The following AP3S2 variants were observed in gnomAD, a reference collection of about 807,000 sequenced individuals.
AP3S2 encodes adaptor related protein complex 3 subunit sigma 2.
Under a neutral mutation model 23.4 loss-of-function variants are expected in AP3S2, and 22 were observed. That is an observed-to-expected ratio of 0.94 (90% CI 0.67 to 1.34). AP3S2 has a LOEUF of 1.34. Ranked by LOEUF, AP3S2 falls within the 40% of genes most tolerant of loss-of-function variation. AP3S2 has a pLI of 0.00. For synonymous variants in AP3S2, 86 were observed against 87.1 expected, an observed-to-expected ratio of 0.99 and a Z score of 0.07; for missense variants, 241 against 236.9, an observed-to-expected ratio of 1.02 and a Z score of -0.11.
intron 4 of AP3S2, among the ~76,000 whole-genome samples, chr15:89,857,821 C>T (rs1265080340): frequency 1.3e-5 from 2 of 152,166 alleles, no homozygotes; most frequent in African/African-American, 4.8e-5. Flanking sequence ...CCCTCTTGGG[C>T]ACATAATAGG....
chr15:89,839,048 T>C (rs1341298422), intron 4 of AP3S2, among the ~76,000 whole-genome samples: 5 of 152,146 alleles, frequency 3.3e-5, no homozygotes. Flanking sequence ...TTCTCTAGCA[T>C]CCCTGGTCTC....
At chr15:89,852,105 C>T (rs918295722) in intron 4 of AP3S2, among the ~76,000 whole-genome samples, 3 of 152,128 alleles carry the variant, frequency 2.0e-5, no homozygotes, top group Non-Finnish European at 4.4e-5. Flanking sequence ...CTGAATGTGG[C>T]TCTATCACTT....
At chr15:89,892,174 C>T (rs1193147705) in intron 1 of AP3S2, among the ~76,000 whole-genome samples, 6 of 152,072 alleles carry the variant, frequency 3.9e-5, no homozygotes, top group Admixed American at 6.5e-5. Flanking sequence ...ACGGAATAGG[C>T]AAATTCCATT....
At chr15:89,887,693 C>T (rs1055989515) in intron 3 of AP3S2, among the ~76,000 whole-genome samples, 5 of 151,724 alleles carry the variant, frequency 3.3e-5, no homozygotes, top group Admixed American at 1.3e-4. Context: ...TTTTTTGAGA[C>T]GGAGTCTCAC....
chr15:89,858,507 GAGAGAGAGAGAGAGAGAGAAAGAAAGAAA>G (rs1895910691), intron 4 of AP3S2, among the ~76,000 whole-genome samples: 2 of 56,606 alleles, frequency 3.5e-5, no homozygotes, highest in Non-Finnish European at 7.4e-5. Context: ...GAGAGAGAGA[GAGAGAGAGAGAGAGAGAGAAAGAAAGAAA>G]GAAAGAAAGA....
intron 4 of AP3S2, among the ~76,000 whole-genome samples, chr15:89,868,805 G>A (rs1474227501): frequency 5.0e-5 from 6 of 119,746 alleles, no homozygotes; most frequent in Admixed American, 7.6e-5. Flanking sequence ...CAGCCGCCCC[G>A]TCCGGGAGGG....
At chr15:89,881,598 G>A (rs983032809) in intron 3 of AP3S2, among the ~76,000 whole-genome samples, 5 of 149,734 alleles carry the variant, frequency 3.3e-5, no homozygotes, top group Admixed American at 2.0e-4. Flanking sequence ...TATAAGCCAG[G>A]ATCTAGATTT....
At chr15:89,847,175 A>C (rs1895514206) in intron 4 of AP3S2, among the ~76,000 whole-genome samples, 1 of 151,792 alleles carries the variant, frequency 6.6e-6, no homozygotes, top group Non-Finnish European at 1.5e-5. Flanking sequence ...CCAGGAGTTC[A>C]AGACCAGCCT....
intron 4 of AP3S2, among the ~76,000 whole-genome samples, chr15:89,864,202 G>C (rs1413549827): frequency 6.6e-6 from 1 of 152,106 alleles, no homozygotes; most frequent in Non-Finnish European, 1.5e-5. Flanking sequence ...ACATTTTTAT[G>C]GCCTTTTATT....
At chr15:89,848,064 T>C (rs938200299) in intron 4 of AP3S2, among the ~76,000 whole-genome samples, 1 of 152,218 alleles carries the variant, frequency 6.6e-6, no homozygotes, top group African/African-American at 2.4e-5. Context: ...ATCCCAAGCT[T>C]AATCGAATCC....
At chr15:89,859,597 G>A (rs1244452304) in intron 4 of AP3S2, among the ~76,000 whole-genome samples, 14 of 151,384 alleles carry the variant, frequency 9.2e-5, no homozygotes, top group Non-Finnish European at 1.5e-4. Flanking sequence ...GTTTCACCAC[G>A]TTGGCCAGGC....
chr15:89,883,024 A>C (rs939042309), intron 3 of AP3S2, among the ~76,000 whole-genome samples: 9 of 152,120 alleles, frequency 5.9e-5, no homozygotes, highest in African/African-American at 2.2e-4. Context: ...ATTTGTTCCA[A>C]CTATTCCTTT....
At chr15:89,888,485 C>T (rs1449307407) in intron 3 of AP3S2, 36 bp downstream of exon 3, 1 of 1,606,184 alleles carries the variant, frequency 6.2e-7, no homozygotes, top group Admixed American at 1.7e-5. Flanking sequence ...TGGAAACTCT[C>T]TAAAGCTGCT....
chr15:89,866,261 C>CAA (rs368571089), intron 4 of AP3S2, among the ~76,000 whole-genome samples: 60,478 of 87,434 alleles, frequency 0.69, 20,920 homozygotes, highest in East Asian at 0.77. Context: ...GACTCCGTCT[C>CAA]AAAAAAAAAA....
chr15:89,850,679 G>C (rs1418145002), intron 4 of AP3S2: 1 of 153,442 alleles, frequency 6.5e-6, no homozygotes, highest in African/African-American at 2.4e-5. Context: ...CCACATAAAA[G>C]GCAGTGTGTT....
intron 4 of AP3S2, among the ~76,000 whole-genome samples, chr15:89,839,537 T>C (rs1322016806): frequency 1.3e-5 from 2 of 152,258 alleles, no homozygotes; most frequent in East Asian, 3.8e-4. Flanking sequence ...TTTAAAATTA[T>C]TCCCTGGGGG....
rs558161259 is a variant in AP3S2, at chr15:89,832,720, C to T, written c.*2795G>A. 6 of 152,206 alleles carry T rather than the reference C, an allele frequency of 3.9e-5. No homozygotes were observed. Among genetic ancestry groups the T allele is most frequent in the Admixed American group, 1.3e-4 (2 of 15,292 alleles). The allele number at this position is 152,206 out of a possible 1,614,324, so 9.4% of individuals were successfully genotyped here. On this transcript the variant is annotated 3_prime_UTR_variant, in exon 6 of 6. Coordinates refer to ENST00000336418, the MANE Select transcript of AP3S2 (RefSeq NM_005829.5). ...AGCTAGGATGGTCTCGATCTCCTGACCTCGTGATCTGCCCGCCTCGGCCTC... is the reference window on the plus strand; with the variant it reads ...AGCTAGGATGGTCTCGATCTCCTGATCTCGTGATCTGCCCGCCTCGGCCTC...
chr15:89,849,800 G>A (rs1480299342), intron 4 of AP3S2, among the ~76,000 whole-genome samples: 1 of 151,814 alleles, frequency 6.6e-6, no homozygotes, highest in Non-Finnish European at 1.5e-5. Context: ...TCTACATTAG[G>A]TATTTCTCCT....
chr15:89,848,376 T>C lies in AP3S2; in HGVS notation c.346-10654A>G, dbSNP rs556261139. Among the ~76,000 whole-genome samples, 4 of 152,390 alleles carry C rather than the reference T, an allele frequency of 2.6e-5. No homozygotes were observed. The South Asian group carries it at 8.3e-4, about 32-fold the overall frequency. Reference sequence around the variant, plus strand: ...GAGTGCTGATAGCTTTTTCTTTTTATTTGATACAGAGTCTCGCTCTGTCGC... The same window carrying C: ...GAGTGCTGATAGCTTTTTCTTTTTACTTGATACAGAGTCTCGCTCTGTCGC... On this transcript the variant is annotated intron_variant, in intron 4 of 5. Coordinates refer to ENST00000336418, the MANE Select transcript of AP3S2 (RefSeq NM_005829.5).
Sources: gnomAD v4.1 joint callset for allele counts (sites outside exome capture counted in the v4.1 genomes callset) on GRCh38, gnomAD v4.1.1 for gene constraint, MANE v1.5 for transcripts, NCBI Gene and HGNC (gene_info 2026-07-23, HGNC 2026-07-21) for gene names.